Variants in RET observed in about 807,000 individuals in gnomAD.
RET encodes ret proto-oncogene, also known as proto-oncogene tyrosine-protein kinase receptor Ret.
Under a neutral mutation model 118.3 loss-of-function variants are expected in RET, and 19 were observed. That is an observed-to-expected ratio of 0.16 (90% CI 0.11 to 0.24). The LOEUF (loss-of-function observed/expected upper bound fraction) is 0.24. Ranked by LOEUF, RET falls within the 10% of genes least tolerant of loss-of-function variation. RET has a pLI of 1.00. For synonymous variants in RET, 597 were observed against 644.1 expected (o/e 0.93, Z 1.11); for missense variants, 1,219 against 1,502.1 (o/e 0.81, Z 3.12).
intron 1 of RET, among the ~76,000 whole-genome samples, chr10:43,093,492 G>T (rs1837451687): frequency 2.0e-5 from 3 of 152,214 alleles, no homozygotes; most frequent in Non-Finnish European, 2.9e-5. Flanking sequence ...GCATGGAGAT[G>T]CCCAGGCTGC....
Position 43,091,427 on chromosome 10 carries a change from G to A in RET, c.74-9032G>A, listed in dbSNP as rs931674950. On this transcript the variant is annotated intron_variant, in intron 1 of 19. Coordinates refer to ENST00000355710, the MANE Select transcript of RET (RefSeq NM_020975.6). ...GCAGATCACTTGAGGTCAGGAGTTC[G>A]AAAGCAGCCTAGCCAACATGGTGAA... Among the ~76,000 whole-genome samples, 13 of 152,120 alleles carry A rather than the reference G, an allele frequency of 8.5e-5. No homozygotes were observed. The South Asian group carries it at 1.0e-3, about 12-fold the overall frequency.
intron 12 of RET, 53 bp downstream of exon 12, chr10:43,116,784 G>A (rs1478077539): frequency 2.1e-6 from 2 of 952,662 alleles, no homozygotes; most frequent in Non-Finnish European, 3.3e-6. Flanking sequence ...GGGGCGGGGG[G>A]CGGGTGAGGC....
chr10:43,105,003 G>T lies in RET; in HGVS notation c.677G>T (p.Arg226Leu). Residue 226 changes from arginine to leucine, a missense_variant, in exon 4 of 20, where the codon CGC (arginine) becomes CTC (leucine). Arg to Leu is a moderately radical substitution (Grantham distance 102, BLOSUM62 -2). Coordinates refer to ENST00000355710, the MANE Select transcript of RET (RefSeq NM_020975.6). ...CCGGACAGCCTGGAGGTGAGCACGC[G>T]CTGGGCCCTGGACCGCGAGCAGCGG... The part of the protein sequence containing the change: ...CAPDSLEVST[R>L]WALDREQREK... The T allele has an allele frequency of 6.3e-7, 1 of 1,591,712 alleles. No homozygotes were observed. Among genetic ancestry groups the T allele is most frequent in the Non-Finnish European group, 8.5e-7 (1 of 1,175,042 alleles).
chr10:43,077,423 T>C (rs1837071400), intron 1 of RET, 92 bp downstream of exon 1: 7 of 1,417,272 alleles, frequency 4.9e-6, no homozygotes, highest in African/African-American at 1.5e-5. Flanking sequence ...CCTTTCTGTT[T>C]GCCGTGGGCA....
chr10:43,100,963 A>G (rs1366647468), intron 2 of RET, among the ~76,000 whole-genome samples: 7 of 152,186 alleles, frequency 4.6e-5, no homozygotes, highest in Non-Finnish European at 1.0e-4. Context: ...ATCCGGGTAC[A>G]CTCTTCTGCC....
In RET at chr10:43,112,105, C is replaced by T. The variant is rs201745826; in HGVS notation, c.1529C>T (p.Ala510Val). The T allele has an allele frequency of 8.8e-5, 141 of 1,601,146 alleles. No homozygotes were observed. The Admixed American group carries it at 1.4e-3, about 16-fold the overall frequency. ...GCTTGTCTGCCACCTGCAGATGTGGCCGAGGAGGCGGGCTGCCCCCTGTCC... is the reference window on the plus strand; with the variant it reads ...GCTTGTCTGCCACCTGCAGATGTGGTCGAGGAGGCGGGCTGCCCCCTGTCC... ...LLVTVEGSYV[A>V]EEAGCPLSCA... Residue 510 changes from alanine (A) to valine (V), a missense_variant, in exon 8 of 20, where the codon GCC becomes GTC. This residue lies in a region of RET where 850 missense variants were observed against 969.6 expected (regional missense o/e 0.88). Transcript: ENST00000355710.
Position 43,120,209 on chromosome 10 carries a change from C to T in RET, c.2730+6C>T, listed in dbSNP as rs1838183708. 1 of 1,612,234 alleles carries T rather than the reference C, an allele frequency of 6.2e-7. No homozygotes were observed. Among genetic ancestry groups the T allele is most frequent in the South Asian group, 1.1e-5 (1 of 90,966 alleles). ...CCTACGTGAAGAGGAGCCAGGTGCC[C>T]AGTCCCGGGGATGAGGCGGGGCTCC... is the stretch of plus-strand genomic sequence containing the variant. On this transcript the variant is annotated splice_donor_region_variant and intron_variant, in intron 15 of 19. Coordinates refer to ENST00000355710, the MANE Select transcript of RET (RefSeq NM_020975.6).
intron 3 of RET, chr10:43,102,982 C>T (rs1353768636): frequency 2.1e-5 from 8 of 387,424 alleles, no homozygotes; most frequent in Non-Finnish European, 3.9e-5. Context: ...ACGAGGAGAC[C>T]TCCATTCCTC....
At chr10:43,085,811 C>T (rs1837277534) in intron 1 of RET, among the ~76,000 whole-genome samples, 1 of 152,150 alleles carries the variant, frequency 6.6e-6, no homozygotes, top group Non-Finnish European at 1.5e-5. Flanking sequence ...GAGGTCTTTG[C>T]TCCCAGGACC....
chr10:43,088,021 T>G (rs1036187233), intron 1 of RET, among the ~76,000 whole-genome samples: 1 of 152,014 alleles, frequency 6.6e-6, no homozygotes, highest in African/African-American at 2.4e-5. Flanking sequence ...ATGGTGGAAG[T>G]CATGATAGTG....
At position 43,129,092 on chromosome 10, in the gene RET, G is replaced by A. The variant is rs1173430269; in HGVS notation, c.*823G>A. On this transcript the variant is annotated 3_prime_UTR_variant, in exon 20 of 20. Transcript: ENST00000355710. ...CCTGATGAGAACAGTATGAAGAAAG[G>A]GGGCTGTTGGAGTCCCAGAATTGCT... 1.3e-5 allele frequency: 3 copies of A among 233,404 alleles called. No homozygotes were observed. Among genetic ancestry groups the A allele is most frequent in the African/African-American group, 4.4e-5 (2 of 45,268 alleles). The allele number at this position is 233,404 out of a possible 1,614,324, so 14.5% of individuals were successfully genotyped here.
rs574402179 is a variant in RET, at chr10:43,128,941, A to G, written c.*672A>G. Reference sequence around the variant, plus strand: ...TAAGATGATTCCTAGATTTAGCACAATGGAGAGATTCCATGCCATCTTTAC... The same window carrying G: ...TAAGATGATTCCTAGATTTAGCACAGTGGAGAGATTCCATGCCATCTTTAC... On this transcript the variant is annotated 3_prime_UTR_variant, in exon 20 of 20. Transcript: ENST00000355710. 2 of 239,040 alleles carry G rather than the reference A, an allele frequency of 8.4e-6. No individual in the cohort carries two copies. The highest frequency in any genetic ancestry group is 6.0e-5 in the East Asian group (1 of 16,736). 14.8% of individuals were successfully genotyped at this position (239,040 alleles called of 1,614,324 possible).
chr10:43,078,098 G>A (rs1163948496), intron 1 of RET, among the ~76,000 whole-genome samples: 2 of 152,198 alleles, frequency 1.3e-5, no homozygotes, highest in African/African-American at 4.8e-5. Flanking sequence ...AACCTCAGGT[G>A]CCTTAGGATC....
intron 19 of RET, 137 bp downstream of exon 19, chr10:43,126,859 TGTCTGACTTTGC>T: frequency 6.8e-7 from 1 of 1,467,756 alleles, no homozygotes; most frequent in Non-Finnish European, 9.0e-7. Flanking sequence ...TATTTGTAAA[TGTCTGACTTTGC>T]ATCCAGTTTA....
chr10:43,114,853 C>T lies in RET; in HGVS notation c.2136+117C>T, dbSNP rs373707092. The T allele has an allele frequency of 2.8e-5, 32 of 1,138,574 alleles. No homozygotes were observed. Among genetic ancestry groups the T allele is most frequent in the Middle Eastern group, 5.7e-4 (2 of 3,488 alleles). The allele number at this position is 1,138,574 out of a possible 1,614,324, so 70.5% of individuals were successfully genotyped here. ...TGAGGGGCTGCCAACGCTGGGCAGA[C>T]GAGGCCTGTGTTCTGCCCCCATTTC... is the stretch of plus-strand genomic sequence containing the variant. On this transcript the variant is annotated intron_variant, in intron 11 of 19. Coordinates refer to ENST00000355710, the MANE Select transcript of RET (RefSeq NM_020975.6). This position sits in a 1 kb window ranked among gnomAD's most constrained non-coding sequence, Gnocchi z 4.6.
chr10:43,091,785 T>C (rs942208126), intron 1 of RET, among the ~76,000 whole-genome samples: 6 of 144,004 alleles, frequency 4.2e-5, no homozygotes, highest in Admixed American at 7.1e-5. Context: ...AAAATCACCA[T>C]GTGATACCAT....
intron 18 of RET, among the ~76,000 whole-genome samples, chr10:43,125,665 T>C (rs1436223875): frequency 6.6e-6 from 1 of 152,202 alleles, no homozygotes; most frequent in African/African-American, 2.4e-5. Flanking sequence ...GGACCCATAC[T>C]ATGTCTCAGA....
intron 1 of RET, among the ~76,000 whole-genome samples, chr10:43,085,569 T>C (rs1181549250): frequency 1.3e-5 from 2 of 152,210 alleles, no homozygotes; most frequent in Admixed American, 1.3e-4. Flanking sequence ...TGGATACTCC[T>C]GCATAGACAT....
In RET at chr10:43,114,397, C is replaced by T. The variant is rs969003882; in HGVS notation, c.1880-83C>T. On this transcript the variant is annotated intron_variant, in intron 10 of 19. Transcript: ENST00000355710. The surrounding 1 kb of genome is among the most constrained non-coding windows in gnomAD (Gnocchi z 4.6). ...GGCGCGGACACGGCAGGCTGGAGAG[C>T]CATGAGGCAGAGCATACGCAGCCTG... is the stretch of plus-strand genomic sequence containing the variant. The T allele has an allele frequency of 1.0e-5, 16 of 1,571,544 alleles. No individual in the cohort carries two copies. The highest frequency in any genetic ancestry group is 1.4e-5 in the Non-Finnish European group (16 of 1,159,758).
Sources: gnomAD v4.1 joint callset for allele counts (sites outside exome capture counted in the v4.1 genomes callset) on GRCh38, gnomAD v4.1.1 for gene constraint, gnomAD v4.1.1 regional missense constraint, Gnocchi (gnomAD v3.1) non-coding constraint, MANE v1.5 for transcripts, NCBI Gene and HGNC (gene_info 2026-07-23, HGNC 2026-07-21) for gene names.